PCSK5: variants seen among roughly 807,000 people sequenced by gnomAD.
PCSK5 encodes proprotein convertase subtilisin/kexin type 5, also known as prohormone convertase 5.
In PCSK5, 129 loss-of-function variants were observed where a neutral mutation model predicts 233.2. That is an observed-to-expected ratio of 0.55 (90% CI 0.48 to 0.64). The LOEUF is 0.64. PCSK5 is among the 30% of genes least tolerant of loss of function. The pLI, the probability that PCSK5 is intolerant of heterozygous loss-of-function variation, is 0.00. For synonymous variants in PCSK5, 825 were observed against 879.2 expected, an observed-to-expected ratio of 0.94 and a Z score of 1.09; for missense variants, 2,076 against 2,430.1, an observed-to-expected ratio of 0.85 and a Z score of 3.06.
At chr9:76,118,811 T>A (rs1832527956) in intron 9 of PCSK5, among the ~76,000 whole-genome samples, 1 of 152,000 alleles carries the variant, frequency 6.6e-6, no homozygotes, top group South Asian at 2.1e-4. Flanking sequence ...ACTTTAAGCA[T>A]GTTTTAAGCT....
chr9:76,050,958 A>G (rs1031124022), intron 5 of PCSK5, among the ~76,000 whole-genome samples: 1 of 152,166 alleles, frequency 6.6e-6, no homozygotes, highest in African/African-American at 2.4e-5. Flanking sequence ...GGAGGGGGAT[A>G]TGACAGTCAT....
chr9:75,960,202 A>T (rs1018541891), intron 2 of PCSK5, among the ~76,000 whole-genome samples: 1 of 152,240 alleles, frequency 6.6e-6, no homozygotes, highest in Non-Finnish European at 1.5e-5. Context: ...AAAACAGACA[A>T]TTCTTTCTTC....
At chr9:76,105,484 G>C (rs1324185877) in intron 8 of PCSK5, among the ~76,000 whole-genome samples, 2 of 152,146 alleles carry the variant, frequency 1.3e-5, no homozygotes, top group African/African-American at 4.8e-5. Context: ...TAGCAACATT[G>C]TACTGTACGC....
intron 24 of PCSK5, among the ~76,000 whole-genome samples, chr9:76,256,975 T>A (rs1827003712): frequency 6.6e-6 from 1 of 152,248 alleles, no homozygotes; most frequent in African/African-American, 2.4e-5. Flanking sequence ...AGAAAGGTGC[T>A]CATATCTTGA....
At chr9:76,354,335 T>C (rs1830244905) in intron 37 of PCSK5, 116 bp downstream of exon 37, 1 of 754,768 alleles carries the variant, frequency 1.3e-6, no homozygotes, top group Non-Finnish European at 2.1e-6. Context: ...ACCTTTTTAT[T>C]GAGTGCCTAC....
intron 7 of PCSK5, among the ~76,000 whole-genome samples, chr9:76,078,484 C>G (rs1374512128): frequency 6.6e-6 from 1 of 152,108 alleles, no homozygotes; most frequent in East Asian, 1.9e-4. Flanking sequence ...CAGTTTCATT[C>G]TTCTGTATAA....
At chr9:76,212,722 A>G (rs1825378310) in intron 20 of PCSK5, among the ~76,000 whole-genome samples, 1 of 152,176 alleles carries the variant, frequency 6.6e-6, no homozygotes, top group Non-Finnish European at 1.5e-5. Context: ...TTTATTCACC[A>G]TTTGTTATAT....
intron 2 of PCSK5, among the ~76,000 whole-genome samples, chr9:75,985,490 G>A (rs1826470714): frequency 6.6e-6 from 1 of 151,730 alleles, no homozygotes; most frequent in South Asian, 2.1e-4. Flanking sequence ...ACCGCACGGT[G>A]TTGTAGAAAG....
rs547849143 is a variant in PCSK5 at position 76,148,334 on chromosome 9, G to A, written c.1313-8711G>A. On this transcript the variant is annotated intron_variant, in intron 10 of 37. Transcript: ENST00000674117. ...GTTGCTTAGAGAGGGAGAGAGAGAG[G>A]GAGGGAGTTTCTCTCTCCCTCTCTC... Among the ~76,000 whole-genome samples the A allele has an allele frequency of 1.2e-4, 15 of 120,154 alleles. No individual in the cohort carries two copies. In the South Asian group the frequency reaches 3.0e-3, roughly 24 times the overall value. The allele number at this position is 120,154 out of a possible 152,430, so 78.8% of individuals were successfully genotyped here. A position where few individuals can be genotyped will look rare whatever the true frequency, so the allele number is the denominator to read the frequency against.
intron 13 of PCSK5, among the ~76,000 whole-genome samples, chr9:76,173,697 G>A (rs1823443382): frequency 6.6e-6 from 1 of 151,914 alleles, no homozygotes; most frequent in African/African-American, 2.4e-5. Context: ...TTTGGGCCAA[G>A]TGTGGTGGCT....
intron 9 of PCSK5, among the ~76,000 whole-genome samples, chr9:76,124,474 C>T (rs1832763417): frequency 6.6e-6 from 1 of 151,990 alleles, no homozygotes; most frequent in Non-Finnish European, 1.5e-5. Context: ...TGGCCGGGTG[C>T]AGTGGCTCAC....
chr9:76,318,793 G>A (rs942583387), intron 30 of PCSK5, among the ~76,000 whole-genome samples: 10 of 152,036 alleles, frequency 6.6e-5, no homozygotes, highest in African/African-American at 2.4e-4. Context: ...ACCCTTTTGA[G>A]TCTTTTGGAA....
intron 9 of PCSK5, among the ~76,000 whole-genome samples, chr9:76,126,356 A>G (rs1030094843): frequency 1.3e-5 from 2 of 152,210 alleles, no homozygotes; most frequent in African/African-American, 4.8e-5. Context: ...GCTCACGCCT[A>G]CAATCCCAGC....
rs569371770 is a variant in PCSK5 at position 75,996,195 on chromosome 9, AG to A, written c.411+9953del. Reference sequence around the variant, plus strand: ...GTGGTCTGTATTTGTTCTACAGCTTAGGGAATCCCAACTGAATTAAAGTTCC... The same window carrying A: ...GTGGTCTGTATTTGTTCTACAGCTTAGGAATCCCAACTGAATTAAAGTTCC... On this transcript the variant is annotated intron_variant, in intron 3 of 37. Coordinates refer to ENST00000674117, the MANE Select transcript of PCSK5 (RefSeq NM_001372043.1). Among the ~76,000 whole-genome samples, 1,258 of 152,336 alleles carry A rather than the reference AG, an allele frequency of 8.3e-3. 21 individuals carry two copies. The highest frequency in any genetic ancestry group is 8.8e-3 in the Non-Finnish European group (597 of 68,018).
chr9:76,359,087 C>T lies in PCSK5; in HGVS notation c.*165C>T. 1 of 608,178 alleles carries T rather than the reference C, an allele frequency of 1.6e-6. No homozygotes were observed. Among genetic ancestry groups the T allele is most frequent in the East Asian group, 2.8e-5 (1 of 36,252 alleles). 37.7% of individuals were successfully genotyped at this position (608,178 alleles called of 1,614,324 possible). ...TGTAAGAATGATGAAATACTTTGTTCTTCTTTTGAGTGGCTAAACTCAATT... is the reference window on the plus strand; with the variant it reads ...TGTAAGAATGATGAAATACTTTGTTTTTCTTTTGAGTGGCTAAACTCAATT... On this transcript the variant is annotated 3_prime_UTR_variant, in exon 38 of 38. Transcript: ENST00000674117.
intron 10 of PCSK5, among the ~76,000 whole-genome samples, chr9:76,156,616 A>G (rs1321828321): frequency 6.6e-6 from 1 of 152,222 alleles, no homozygotes; most frequent in African/African-American, 2.4e-5. Flanking sequence ...GCAAGTGATT[A>G]AACAGTGGGG....
intron 4 of PCSK5, 62 bp downstream of exon 4, chr9:76,023,943 A>G: frequency 1.4e-6 from 2 of 1,468,840 alleles, no homozygotes; most frequent in Non-Finnish European, 1.8e-6. Flanking sequence ...TCATGTTAGG[A>G]TTATCAAAAA....
chr9:76,064,754 G>A (rs1402248296), intron 5 of PCSK5, among the ~76,000 whole-genome samples: 3 of 149,622 alleles, frequency 2.0e-5, no homozygotes, highest in African/African-American at 2.5e-5. Context: ...GGGCAGAGGC[G>A]CTCCTCACAT....
intron 34 of PCSK5, among the ~76,000 whole-genome samples, chr9:76,334,494 A>G (rs556357957): frequency 1.3e-5 from 2 of 152,270 alleles, no homozygotes; most frequent in East Asian, 3.9e-4. Context: ...GCACTTTGGG[A>G]GGCCGAGGTG....
Sources: allele counts gnomAD v4.1 joint callset (sites outside exome capture counted in the v4.1 genomes callset), GRCh38; gene constraint gnomAD v4.1.1; transcripts MANE v1.5; gene names NCBI Gene and HGNC (gene_info 2026-07-23, HGNC 2026-07-21).